SHISA6: variants seen among roughly 807,000 people sequenced by gnomAD.
The protein encoded by SHISA6 is shisa family member 6.
SHISA6 carries 22 observed loss-of-function variants against 47.9 expected under a neutral mutation model. That is an observed-to-expected ratio of 0.46 (90% confidence interval 0.33 to 0.66). The LOEUF (loss-of-function observed/expected upper bound fraction) is 0.66. Among genes scored for constraint, SHISA6 ranks in the 30% least tolerant of loss-of-function variants. The probability of loss-of-function intolerance (pLI) is 0.02; values close to 1 mark genes in which losing one functional copy is unlikely to be tolerated. For missense variants in SHISA6, 680 were observed against 764.6 expected (o/e 0.89, Z 1.30); for synonymous variants, 388 against 337.8 (o/e 1.15, Z -1.63).
At chr17:11,373,189 G>A (rs1408505321) in intron 2 of SHISA6, among the ~76,000 whole-genome samples, 1 of 151,338 alleles carries the variant, frequency 6.6e-6, no homozygotes, top group Admixed American at 6.6e-5. Flanking sequence ...TTTTCATCAG[G>A]TCTATTTTAA....
At chr17:11,379,082 GCA>G (rs1481160780) in intron 2 of SHISA6, among the ~76,000 whole-genome samples, 1 of 149,392 alleles carries the variant, frequency 6.7e-6, no homozygotes, top group African/African-American at 2.5e-5. Context: ...GTTCTTTGTT[GCA>G]CAGTTTTATA....
At position 11,558,406 on chromosome 17, in the gene SHISA6, T is replaced by C. The variant is rs140878656; in HGVS notation, c.*102T>C. The stretch of plus-strand genomic sequence containing the variant: ...AGCCTTGCCACTCTCCCTTCCCTTG[T>C]CCCCTCTGTAGGAAGTGGGGGTGGG... On this transcript the variant is annotated 3_prime_UTR_variant, in exon 6 of 6. Coordinates refer to ENST00000441885, the MANE Select transcript of SHISA6 (RefSeq NM_207386.4). The C allele has an allele frequency of 1.4e-3, 1,853 of 1,343,878 alleles. 7 individuals carry two copies. The African/African-American group carries it at 0.015, about 11-fold the overall frequency. 83.2% of individuals were successfully genotyped at this position (1,343,878 alleles called of 1,614,324 possible).
At position 11,526,943 on chromosome 17, in the gene SHISA6, G is replaced by C. The variant is rs1289568734; in HGVS notation, c.896-24953G>C. 3.1e-5 allele frequency among the ~76,000 whole-genome samples: 2 copies of C among 64,414 alleles called. 1 individual carries two copies. The highest frequency in any genetic ancestry group is 4.1e-4 in the Admixed American group (2 of 4,906). The allele number at this position is 64,414 out of a possible 152,430, so 42.3% of individuals were successfully genotyped here. On this transcript the variant is annotated intron_variant, in intron 3 of 5. Transcript: ENST00000441885. Reference sequence around the variant, plus strand: ...TATATATATATATATATATTATAATGATCAAATCAGGGTATTTAGGCTATC... The same window carrying C: ...TATATATATATATATATATTATAATCATCAAATCAGGGTATTTAGGCTATC...
intron 3 of SHISA6, among the ~76,000 whole-genome samples, chr17:11,517,418 A>G (rs906799470): frequency 2.0e-5 from 3 of 152,222 alleles, no homozygotes; most frequent in African/African-American, 7.2e-5. Context: ...ATCTGTAGCT[A>G]TCTGCTTAGG....
chr17:11,489,238 C>A (rs1174382692), intron 3 of SHISA6, among the ~76,000 whole-genome samples: 1 of 152,094 alleles, frequency 6.6e-6, no homozygotes, highest in East Asian at 1.9e-4. Flanking sequence ...CTCGGGGCCC[C>A]AATTTTATGA....
At chr17:11,261,420 G>A (rs141223009) in intron 1 of SHISA6, among the ~76,000 whole-genome samples, 110 of 152,356 alleles carry the variant, frequency 7.2e-4, no homozygotes, top group African/African-American at 2.3e-3. Flanking sequence ...AGCCCACTGG[G>A]CATCAGGAGC....
At chr17:11,471,500 C>G (rs1915934884) in intron 3 of SHISA6, among the ~76,000 whole-genome samples, 1 of 152,156 alleles carries the variant, frequency 6.6e-6, no homozygotes, top group Admixed American at 6.6e-5. Context: ...TGCTGGTCTC[C>G]TTTCTGTTCT....
At chr17:11,423,248 TATATATA>T (rs1371552936) in intron 3 of SHISA6, among the ~76,000 whole-genome samples, 2 of 147,156 alleles carry the variant, frequency 1.4e-5, no homozygotes, top group African/African-American at 5.0e-5. Flanking sequence ...TGTATATATA[TATATATA>T]ATATATATAT....
intron 2 of SHISA6, among the ~76,000 whole-genome samples, chr17:11,270,899 T>A (rs907182431): frequency 1.3e-5 from 2 of 152,120 alleles, no homozygotes; most frequent in Non-Finnish European, 2.9e-5. Flanking sequence ...CAATGTCAGG[T>A]CCCATTCCCC....
intron 3 of SHISA6, among the ~76,000 whole-genome samples, chr17:11,401,673 T>C (rs571289550): frequency 1.2e-4 from 18 of 152,228 alleles, no homozygotes; most frequent in African/African-American, 4.3e-4. Context: ...CAACAAAGAT[T>C]TATTTATTTT....
rs1364472697 is a variant in SHISA6, at chr17:11,555,748, C to T, written c.961C>T (p.Arg321Trp). ...VTQIPPHEKPRMNNILTSATE... is the reference protein window; with the variant it reads ...VTQIPPHEKPWMNNILTSATE... ...CCTCCCTTTTCTTGCAGAGAAGCCACGGATGAACAACATCCTGACATCAGC... is the reference window on the plus strand; with the variant it reads ...CCTCCCTTTTCTTGCAGAGAAGCCATGGATGAACAACATCCTGACATCAGC... Residue 321 changes from arginine to tryptophan, a missense_variant, in exon 5 of 6, where the codon CGG (arginine) becomes TGG (tryptophan). Physicochemically the swap from Arg to Trp is moderately radical, Grantham distance 101. Coordinates refer to ENST00000441885, the MANE Select transcript of SHISA6 (RefSeq NM_207386.4). 7.8e-6 allele frequency: 12 copies of T among 1,542,594 alleles called. No individual in the cohort carries two copies. Among genetic ancestry groups the T allele is most frequent in the South Asian group, 2.4e-5 (2 of 82,704 alleles).
intron 1 of SHISA6, among the ~76,000 whole-genome samples, chr17:11,244,951 G>A (rs1263881066): frequency 6.6e-6 from 1 of 152,244 alleles, no homozygotes; most frequent in East Asian, 1.9e-4. Flanking sequence ...TGGGCCATCT[G>A]CATCTGCCTT....
intron 3 of SHISA6, among the ~76,000 whole-genome samples, chr17:11,447,043 C>T (rs1432378631): frequency 1.3e-5 from 2 of 152,186 alleles, no homozygotes; most frequent in Non-Finnish European, 2.9e-5. Flanking sequence ...CTGAACCTGT[C>T]TTTTCTCAGA....
rs575300813 is a variant in SHISA6, at chr17:11,289,954, T to C, written c.799+26428T>C. 5.9e-5 allele frequency: 9 copies of C among 152,258 alleles called. No individual in the cohort carries two copies. In the South Asian group the frequency reaches 8.3e-4, roughly 14 times the overall value. The allele number at this position is 152,258 out of a possible 1,614,324, so 9.4% of individuals were successfully genotyped here. A position where few individuals can be genotyped will look rare whatever the true frequency, so the allele number is the denominator to read the frequency against. The stretch of plus-strand genomic sequence containing the variant: ...TTTTAAATATAAAAGAACTTGCAGC[T>C]GTAAGTTCTTCTCTAACAGTAGGTA... On this transcript the variant is annotated intron_variant, in intron 2 of 5. Coordinates refer to ENST00000441885, the MANE Select transcript of SHISA6 (RefSeq NM_207386.4).
chr17:11,525,597 C>T (rs2071669165), intron 3 of SHISA6, among the ~76,000 whole-genome samples: 1 of 127,578 alleles, frequency 7.8e-6, no homozygotes, highest in African/African-American at 3.0e-5. Context: ...CGCGCCACTG[C>T]ACTCCAGCCT....
chr17:11,515,229 C>A (rs1358646988), intron 3 of SHISA6, among the ~76,000 whole-genome samples: 13 of 109,028 alleles, frequency 1.2e-4, no homozygotes, highest in Admixed American at 4.6e-4. Flanking sequence ...GGTGACAGGG[C>A]AAGACTCTTT....
intron 3 of SHISA6, among the ~76,000 whole-genome samples, chr17:11,408,605 C>T (rs775030463): frequency 6.6e-6 from 1 of 152,192 alleles, no homozygotes; most frequent in East Asian, 1.9e-4. Context: ...AGTTCTGTAG[C>T]GGGCATGAAG....
chr17:11,445,314 T>C (rs1215472195), intron 3 of SHISA6, among the ~76,000 whole-genome samples: 1 of 152,088 alleles, frequency 6.6e-6, no homozygotes, highest in Non-Finnish European at 1.5e-5. Flanking sequence ...TTTAGAATGG[T>C]GACATCTGAA....
chr17:11,526,880 CATATATATATATATAT>C lies in SHISA6; in HGVS notation c.896-24975_896-24960del, dbSNP rs149856154. 2.8e-3 allele frequency among the ~76,000 whole-genome samples: 318 copies of C among 111,748 alleles called. 1 individual carries two copies. Among genetic ancestry groups the C allele is most frequent in the East Asian group, 7.7e-3 (31 of 4,032 alleles). 73.3% of individuals were successfully genotyped at this position (111,748 alleles called of 152,430 possible). A position where few individuals can be genotyped will look rare whatever the true frequency, so the allele number is the denominator to read the frequency against. On this transcript the variant is annotated intron_variant, in intron 3 of 5. Transcript: ENST00000441885. Reference sequence around the variant, plus strand: ...CTTGATGCCTCAAGCTATCTATCATCATATATATATATATATATATATATATATATATATATATATA... The same window carrying C: ...CTTGATGCCTCAAGCTATCTATCATCATATATATATATATATATATATATA...
Sources: allele counts gnomAD v4.1 joint callset (sites outside exome capture counted in the v4.1 genomes callset), GRCh38; gene constraint gnomAD v4.1.1; transcripts MANE v1.5; gene names NCBI Gene and HGNC (gene_info 2026-07-23, HGNC 2026-07-21).